Variants in MGAT4C observed in about 807,000 individuals in gnomAD.
MGAT4C encodes the protein alpha-1,3-mannosyl-glycoprotein 4-beta-N-acetylglucosaminyltransferase C.
MGAT4C carries 19 observed loss-of-function variants against 40.1 expected under a neutral mutation model. The observed-to-expected ratio is 0.47, with a 90% CI of 0.33 to 0.70. MGAT4C has a LOEUF of 0.70. Ranked by LOEUF, MGAT4C falls within the 30% of genes least tolerant of loss-of-function variation. MGAT4C has a pLI of 0.02. For synonymous variants in MGAT4C, 181 were observed against 187.1 expected, an observed-to-expected ratio of 0.97 and a Z score of 0.27; for missense variants, 491 against 563.2, an observed-to-expected ratio of 0.87 and a Z score of 1.30.
chr12:86,808,550 G>T (rs889719479), intron 1 of MGAT4C, among the ~76,000 whole-genome samples: 4 of 151,946 alleles, frequency 2.6e-5, no homozygotes, highest in Admixed American at 1.3e-4. Context: ...TTAATTAGAT[G>T]CAAAAAAGGA....
At chr12:86,110,825 T>A (rs1877251154) in intron 1 of MGAT4C, among the ~76,000 whole-genome samples, 1 of 151,704 alleles carries the variant, frequency 6.6e-6, no homozygotes, top group Non-Finnish European at 1.5e-5. Context: ...TTGTACATAC[T>A]AATATTAATT....
chr12:86,735,268 G>A (rs946914258), intron 1 of MGAT4C, among the ~76,000 whole-genome samples: 2 of 151,868 alleles, frequency 1.3e-5, no homozygotes, highest in Admixed American at 6.6e-5. Flanking sequence ...GACTAATCCC[G>A]AGAGAGGGTC....
Position 86,595,455 on chromosome 12 carries a change from C to T in MGAT4C, c.-229+131754G>A, listed in dbSNP as rs187297756. On this transcript the variant is annotated intron_variant, in intron 2 of 7. Transcript: ENST00000548651. ...CTGAGGCAGGAGAATCGCTTGAATC[C>T]GTGAGGCGGAGGTTGCAGTGAGCAG... Among the ~76,000 whole-genome samples the T allele has an allele frequency of 3.1e-3, 463 of 151,428 alleles. 2 individuals carry two copies. Among genetic ancestry groups the T allele is most frequent in the African/African-American group, 0.011 (440 of 41,250 alleles).
intron 1 of MGAT4C, among the ~76,000 whole-genome samples, chr12:86,728,071 G>T (rs1950852818): frequency 6.6e-6 from 1 of 152,126 alleles, no homozygotes; most frequent in African/African-American, 2.4e-5. Context: ...TCAGATAAAA[G>T]TTAACTATAT....
chr12:86,633,696 T>A (rs949154158), intron 2 of MGAT4C, among the ~76,000 whole-genome samples: 8 of 152,106 alleles, frequency 5.3e-5, no homozygotes, highest in Admixed American at 4.6e-4. Flanking sequence ...AAAACTGAAA[T>A]AGTTGTTGCC....
chr12:86,134,457 G>A (rs142062449), intron 1 of MGAT4C, among the ~76,000 whole-genome samples: 77 of 152,110 alleles, frequency 5.1e-4, no homozygotes, highest in African/African-American at 1.7e-3. Context: ...TGTGGTTTTT[G>A]TTGTAAGTAG....
intron 3 of MGAT4C, among the ~76,000 whole-genome samples, chr12:86,338,886 G>A (rs1312977107): frequency 1.4e-5 from 2 of 147,054 alleles, no homozygotes; most frequent in Non-Finnish European, 3.0e-5. Context: ...TTGAACCCAG[G>A]TGGCAGAAGT....
rs1883169990 is a variant in MGAT4C, at chr12:85,962,576, C to T, written c.*16713G>A. On this transcript the variant is annotated 3_prime_UTR_variant, in exon 5 of 5. Transcript: ENST00000611864. ...ATGTGATTTGACAAATCACATTTGT[C>T]AAATAAGGAATGGCTGAATTAAATG... 1 of 150,048 alleles carries T rather than the reference C, an allele frequency of 6.7e-6. No homozygotes were observed. Among genetic ancestry groups the T allele is most frequent in the Non-Finnish European group, 1.5e-5 (1 of 67,320 alleles). The allele number at this position is 150,048 out of a possible 1,614,324, so 9.3% of individuals were successfully genotyped here.
At chr12:86,436,549 T>C (rs1476995476) in intron 2 of MGAT4C, among the ~76,000 whole-genome samples, 1 of 151,644 alleles carries the variant, frequency 6.6e-6, no homozygotes, top group Non-Finnish European at 1.5e-5. Flanking sequence ...GTTTAATTAT[T>C]TTATTAGAAC....
At chr12:86,467,559 G>A (rs1957699560) in intron 2 of MGAT4C, among the ~76,000 whole-genome samples, 1 of 152,042 alleles carries the variant, frequency 6.6e-6, no homozygotes, top group African/African-American at 2.4e-5. Flanking sequence ...TAATTCAGGA[G>A]TTGCTTTTTT....
intron 3 of MGAT4C, among the ~76,000 whole-genome samples, chr12:86,359,703 G>A (rs949745861): frequency 9.2e-5 from 14 of 152,088 alleles, no homozygotes; most frequent in Non-Finnish European, 7.4e-5. Flanking sequence ...CTATAAACAC[G>A]TCTATGCAAA....
intron 4 of MGAT4C, among the ~76,000 whole-genome samples, chr12:86,272,594 T>C (rs1280746032): frequency 6.6e-6 from 1 of 152,148 alleles, no homozygotes; most frequent in Non-Finnish European, 1.5e-5. Flanking sequence ...CTCATGCCTA[T>C]AATTCCAGTA....
intron 2 of MGAT4C, among the ~76,000 whole-genome samples, chr12:86,577,895 ACTT>A (rs1960626422): frequency 1.3e-5 from 2 of 151,858 alleles, no homozygotes; most frequent in South Asian, 2.1e-4. Flanking sequence ...GATTTTAAAT[ACTT>A]CTTCATTAAA....
intron 1 of MGAT4C, among the ~76,000 whole-genome samples, chr12:86,245,955 C>T (rs1952007573): frequency 6.6e-6 from 1 of 152,072 alleles, no homozygotes; most frequent in Non-Finnish European, 1.5e-5. Flanking sequence ...CACCATTATA[C>T]AGTTTTACAT....
intron 2 of MGAT4C, among the ~76,000 whole-genome samples, chr12:86,687,708 T>A (rs965199091): frequency 2.0e-5 from 3 of 151,950 alleles, no homozygotes; most frequent in African/African-American, 7.2e-5. Flanking sequence ...GAGACTGTTA[T>A]GATTTCTGTT....
At chr12:86,067,665 C>T (rs1291737579) in intron 1 of MGAT4C, among the ~76,000 whole-genome samples, 2 of 151,994 alleles carry the variant, frequency 1.3e-5, no homozygotes, top group Admixed American at 6.6e-5. Context: ...ATGTAACAAA[C>T]CTGCACTTTC....
At chr12:86,345,545 A>G (rs113608322) in intron 3 of MGAT4C, among the ~76,000 whole-genome samples, 1 of 151,554 alleles carries the variant, frequency 6.6e-6, no homozygotes, top group African/African-American at 2.4e-5. Context: ...TTGTCCTTGC[A>G]ATAGTTTGCT....
At chr12:86,501,065 T>C (rs1213213966) in intron 2 of MGAT4C, among the ~76,000 whole-genome samples, 1 of 152,094 alleles carries the variant, frequency 6.6e-6, no homozygotes, top group Non-Finnish European at 1.5e-5. Context: ...TCCAGATTTA[T>C]GAGCAAGCTT....
chr12:86,126,647 TAAACTC>T (rs1880314983), intron 1 of MGAT4C, among the ~76,000 whole-genome samples: 1 of 152,204 alleles, frequency 6.6e-6, no homozygotes, highest in African/African-American at 2.4e-5. Flanking sequence ...CATTTAAAGA[TAAACTC>T]AAAACTATGA....
Sources: allele counts gnomAD v4.1 joint callset (sites outside exome capture counted in the v4.1 genomes callset), GRCh38; gene constraint gnomAD v4.1.1; transcripts MANE v1.5; gene names NCBI Gene and HGNC (gene_info 2026-07-23, HGNC 2026-07-21).